Variants in KCNH7 observed in about 807,000 individuals in gnomAD.
KCNH7 encodes the protein voltage-gated inwardly rectifying potassium channel KCNH7.
KCNH7 carries 49 observed loss-of-function variants against 120.8 expected under a neutral mutation model. That is an observed-to-expected ratio of 0.41 (90% CI 0.32 to 0.51). The LOEUF is 0.51. KCNH7 is among the 20% of genes least tolerant of loss of function. The pLI is 0.38. For missense variants in KCNH7, 1,097 were observed against 1,446.6 expected (o/e 0.76, Z 3.92); for synonymous variants, 547 against 516.1 (o/e 1.06, Z -0.81).
intron 2 of KCNH7, among the ~76,000 whole-genome samples, chr2:162,653,251 A>C (rs1312671550): frequency 1.3e-5 from 2 of 152,220 alleles, no homozygotes; most frequent in Admixed American, 6.5e-5. Flanking sequence ...TAGTCAGATA[A>C]ATTAGGCAAG....
At chr2:162,770,790 T>A (rs1290584189) in intron 2 of KCNH7, among the ~76,000 whole-genome samples, 1 of 152,148 alleles carries the variant, frequency 6.6e-6, no homozygotes, top group African/African-American at 2.4e-5. Flanking sequence ...TCTTCCAGGC[T>A]CCAGACTTGA....
intron 8 of KCNH7, among the ~76,000 whole-genome samples, chr2:162,427,291 A>C (rs1374869410): frequency 6.6e-6 from 1 of 152,070 alleles, no homozygotes; most frequent in Non-Finnish European, 1.5e-5. Context: ...GAAACTGCCA[A>C]ACTGTTTTTC....
At chr2:162,619,929 GC>G (rs1683286575) in intron 2 of KCNH7, among the ~76,000 whole-genome samples, 1 of 151,730 alleles carries the variant, frequency 6.6e-6, no homozygotes, top group Non-Finnish European at 1.5e-5. Context: ...TGACCTTTAA[GC>G]TTTTGAGATT....
chr2:162,761,808 A>ATT (rs1688976445), intron 2 of KCNH7, among the ~76,000 whole-genome samples: 1 of 152,086 alleles, frequency 6.6e-6, no homozygotes, highest in Non-Finnish European at 1.5e-5. Flanking sequence ...ATAAGAGTGG[A>ATT]TGGTGGTATT....
In KCNH7 at chr2:162,768,338, T is replaced by A. The variant is rs187511622; in HGVS notation, c.307+68199A>T. Among the ~76,000 whole-genome samples the A allele has an allele frequency of 2.5e-4, 38 of 151,928 alleles. No individual in the cohort carries two copies. The East Asian group carries it at 6.6e-3, about 26-fold the overall frequency. On this transcript the variant is annotated intron_variant, in intron 2 of 15. Transcript: ENST00000332142. Reference sequence around the variant, plus strand: ...TTGGACAGATTTTCTGAAGCTGGGTTTTTTTTTATAAATTGTGCCTTTATG... The same window carrying A: ...TTGGACAGATTTTCTGAAGCTGGGTATTTTTTTATAAATTGTGCCTTTATG...
intron 6 of KCNH7, among the ~76,000 whole-genome samples, chr2:162,466,642 T>A (rs954426421): frequency 6.6e-5 from 10 of 152,208 alleles, no homozygotes; most frequent in African/African-American, 2.4e-4. Flanking sequence ...GATGATATCT[T>A]GAGTAAACCA....
intron 2 of KCNH7, among the ~76,000 whole-genome samples, chr2:162,568,773 TTA>T (rs1693352394): frequency 6.6e-6 from 1 of 151,906 alleles, no homozygotes; most frequent in Non-Finnish European, 1.5e-5. Context: ...TTTTTAAGCT[TTA>T]TATAGTAACT....
At position 162,394,409 on chromosome 2, in the gene KCNH7, A is replaced by G. The variant is rs1171166390; in HGVS notation, c.2690T>C (p.Phe897Ser). Residue 897 changes from phenylalanine (F) to serine (S), a missense_variant, in exon 12 of 16, where the codon TTT becomes TCT. Coordinates refer to ENST00000332142, the MANE Select transcript of KCNH7 (RefSeq NM_033272.4). ...NCKLRRRKLS[F>S]ESEGEKENST... ...ATTACCTTTCTCTCCTTCACTTTCA[A>G]ATGACAATTTCCTTCTTCTTAGTTT... 1 of 1,592,486 alleles carries G rather than the reference A, an allele frequency of 6.3e-7. No individual in the cohort carries two copies. The highest frequency in any genetic ancestry group is 8.6e-7 in the Non-Finnish European group (1 of 1,161,258).
chr2:162,795,831 T>C (rs1267273718), intron 2 of KCNH7: 4 of 152,234 alleles, frequency 2.6e-5, no homozygotes, highest in South Asian at 2.1e-4. Flanking sequence ...AAGCATCCTG[T>C]ATTCTCCCTA....
In KCNH7 at chr2:162,442,020, T is replaced by C. The variant is rs1175058773; in HGVS notation, c.1554+3998A>G. ...TCTTCTTTTTTTTTTTTTTTTTTTT[T>C]TTTTTTTTTTTTTTGAGATGGAGTC... On this transcript the variant is annotated intron_variant, in intron 7 of 15. Transcript: ENST00000332142. 1.6e-3 allele frequency among the ~76,000 whole-genome samples: 174 copies of C among 107,784 alleles called. 4 individuals carry two copies. Among genetic ancestry groups the C allele is most frequent in the African/African-American group, 7.2e-3 (161 of 22,504 alleles). 70.7% of individuals were successfully genotyped at this position (107,784 alleles called of 152,430 possible).
At chr2:162,733,753 G>A (rs1687808487) in intron 2 of KCNH7, among the ~76,000 whole-genome samples, 2 of 152,294 alleles carry the variant, frequency 1.3e-5, no homozygotes, top group East Asian at 3.9e-4. Flanking sequence ...AAAAGAAGGA[G>A]CATTTGATCC....
At chr2:162,807,693 GT>G (rs996753888) in intron 2 of KCNH7, among the ~76,000 whole-genome samples, 1 of 151,554 alleles carries the variant, frequency 6.6e-6, no homozygotes, top group Non-Finnish European at 1.5e-5. Context: ...GTTTTGTTTT[GT>G]TTTTTTGAGA....
At position 162,446,006 on chromosome 2, in the gene KCNH7, A is replaced by G. The variant is rs757376856; in HGVS notation, c.1554+12T>C. On this transcript the variant is annotated intron_variant, in intron 7 of 15. Coordinates refer to ENST00000332142, the MANE Select transcript of KCNH7 (RefSeq NM_033272.4). The stretch of plus-strand genomic sequence containing the variant: ...AATCTTTCAGAAAATAAGAATCTTA[A>G]GCAGTTCTTACCTCATCAGAACCTG... 6.4e-7 allele frequency: 1 copy of G among 1,573,178 alleles called. No individual in the cohort carries two copies. The highest frequency in any genetic ancestry group is 8.6e-7 in the Non-Finnish European group (1 of 1,157,738).
chr2:162,550,446 T>A (rs1692630577), intron 2 of KCNH7, among the ~76,000 whole-genome samples: 2 of 152,168 alleles, frequency 1.3e-5, no homozygotes, highest in South Asian at 4.2e-4. Flanking sequence ...GTTGGAGTAT[T>A]TATTCCCCAG....
rs142732851 is a variant in KCNH7, at chr2:162,689,463, T to C, written c.307+147074A>G. Among the ~76,000 whole-genome samples the C allele has an allele frequency of 9.9e-5, 15 of 152,156 alleles. No homozygotes were observed. The East Asian group carries it at 1.9e-3, about 20-fold the overall frequency. ...CACCTTGCCCAGCCAAATTTAATTA[T>C]TATGGGTATTTAGATGTCTCTCATT... On this transcript the variant is annotated intron_variant, in intron 2 of 15. Transcript: ENST00000332142.
At chr2:162,499,890 T>C (rs1690618188) in intron 6 of KCNH7, among the ~76,000 whole-genome samples, 3 of 152,018 alleles carry the variant, frequency 2.0e-5, no homozygotes, top group Admixed American at 2.0e-4. Flanking sequence ...AAAACGCACT[T>C]AAGGGTTTAT....
chr2:162,413,007 TA>T (rs1386728763), intron 9 of KCNH7, among the ~76,000 whole-genome samples: 1 of 152,182 alleles, frequency 6.6e-6, no homozygotes, highest in East Asian at 1.9e-4. Context: ...AAAAGTCATA[TA>T]TTTTTTATGG....
At chr2:162,499,048 G>A (rs1316598703) in intron 6 of KCNH7, among the ~76,000 whole-genome samples, 1 of 152,018 alleles carries the variant, frequency 6.6e-6, no homozygotes, top group South Asian at 2.1e-4. Context: ...GAAATCCACG[G>A]CACCATCTTC....
chr2:162,580,151 A>C (rs1574129615), intron 2 of KCNH7, among the ~76,000 whole-genome samples: 3 of 152,068 alleles, frequency 2.0e-5, no homozygotes, highest in Non-Finnish European at 4.4e-5. Flanking sequence ...ACAGTCAGGA[A>C]GGTCTTTCTA....
Sources: gnomAD v4.1 joint callset for allele counts (sites outside exome capture counted in the v4.1 genomes callset) on GRCh38, gnomAD v4.1.1 for gene constraint, MANE v1.5 for transcripts, NCBI Gene and HGNC (gene_info 2026-07-23, HGNC 2026-07-21) for gene names.